Variants in SAXO1 observed in about 807,000 individuals in gnomAD.
The protein encoded by SAXO1 is stabilizer of axonemal microtubules 1.
In SAXO1, 21 loss-of-function variants were observed where a neutral mutation model predicts 17.5. That is an observed-to-expected ratio of 1.20 (90% confidence interval 0.85 to 1.72). SAXO1 has a LOEUF of 1.72. SAXO1 is among the 40% of genes most tolerant of loss of function. The pLI is 0.00. For missense variants in SAXO1, 843 were observed against 596.0 expected (o/e 1.41, Z -4.32); for synonymous variants, 274 against 216.5 (o/e 1.27, Z -2.33).
At chr9:18,940,774 T>C (rs1831518372) in intron 3 of SAXO1, among the ~76,000 whole-genome samples, 1 of 152,164 alleles carries the variant, frequency 6.6e-6, no homozygotes, top group Non-Finnish European at 1.5e-5. Flanking sequence ...ACCACGTATC[T>C]TGTCTCTCCA....
chr9:18,985,330 G>A (rs535826633), intron 1 of SAXO1, among the ~76,000 whole-genome samples: 1 of 152,254 alleles, frequency 6.6e-6, no homozygotes, highest in South Asian at 2.1e-4. Flanking sequence ...ATGTGACAGA[G>A]ACATGAAGTG....
At chr9:18,972,601 C>T (rs1161719726) in intron 1 of SAXO1, among the ~76,000 whole-genome samples, 2 of 152,128 alleles carry the variant, frequency 1.3e-5, no homozygotes, top group Admixed American at 6.5e-5. Context: ...GCTACATGAA[C>T]AGTCTAGGGC....
intron 1 of SAXO1, among the ~76,000 whole-genome samples, chr9:18,966,637 C>G (rs924745086): frequency 1.3e-5 from 2 of 151,978 alleles, no homozygotes; most frequent in Non-Finnish European, 2.9e-5. Flanking sequence ...GTTAGCAGTT[C>G]CTGTAACCTT....
intron 1 of SAXO1, chr9:19,027,051 A>G: frequency 1.2e-6 from 1 of 840,694 alleles, no homozygotes. Flanking sequence ...CCAAGCCATG[A>G]AGGACAAGAT....
intron 1 of SAXO1, among the ~76,000 whole-genome samples, chr9:18,953,190 T>C (rs1452215105): frequency 6.6e-6 from 1 of 152,224 alleles, no homozygotes; most frequent in African/African-American, 2.4e-5. Flanking sequence ...AAGTCAAGAT[T>C]TTATTCAGGA....
At chr9:19,038,427 A>T (rs1047454451) in intron 1 of SAXO1, among the ~76,000 whole-genome samples, 7 of 152,080 alleles carry the variant, frequency 4.6e-5, no homozygotes, top group African/African-American at 1.7e-4. Context: ...CTATGCAGCC[A>T]TAAAAAATGA....
chr9:18,938,968 A>C (rs1310405020), intron 3 of SAXO1, among the ~76,000 whole-genome samples: 1 of 151,836 alleles, frequency 6.6e-6, no homozygotes, highest in Non-Finnish European at 1.5e-5. Context: ...ACAAGCAAGG[A>C]GCATTTTTCA....
At chr9:18,963,357 T>A (rs1306905438) in intron 1 of SAXO1, among the ~76,000 whole-genome samples, 1 of 152,192 alleles carries the variant, frequency 6.6e-6, no homozygotes, top group Non-Finnish European at 1.5e-5. Context: ...AATGGTAGCT[T>A]GATGGGAATA....
Position 18,928,070 on chromosome 9 carries a change from C to G in SAXO1, c.1407G>C (p.Glu469Asp). 1 of 1,602,230 alleles carries G rather than the reference C, an allele frequency of 6.2e-7. No homozygotes were observed. The highest frequency in any genetic ancestry group is 8.5e-7 in the Non-Finnish European group (1 of 1,171,440). ...VDDSENPNQR[E>D]LEVLA ...TTCAAAATCAGGCTAACACTTCCAA[C>G]TCCCTCTGGTTGGGGTTTTCTGAAT... The change falls in exon 4 of 4, where the codon GAG (glutamate) becomes GAC (aspartate). Residue 469 changes from glutamate to aspartate, a missense_variant. Physicochemically the swap from Glu to Asp is conservative, Grantham distance 45. Coordinates refer to ENST00000380534, the MANE Select transcript of SAXO1 (RefSeq NM_153707.4).
intron 1 of SAXO1, among the ~76,000 whole-genome samples, chr9:19,018,177 A>AAAAC (rs371515538): frequency 6.6e-6 from 1 of 152,054 alleles, no homozygotes; most frequent in East Asian, 1.9e-4. Context: ...CAAAAAAAAA[A>AAAAC]AAACAAACAA....
intron 1 of SAXO1, among the ~76,000 whole-genome samples, chr9:19,020,256 T>A (rs575416855): frequency 1.6e-4 from 24 of 152,320 alleles, no homozygotes; most frequent in African/African-American, 5.8e-4. Flanking sequence ...TATGTGTAAT[T>A]GATTTTTCAT....
chr9:18,935,115 T>A (rs971234487), intron 3 of SAXO1, among the ~76,000 whole-genome samples: 1 of 152,086 alleles, frequency 6.6e-6, no homozygotes, highest in Non-Finnish European at 1.5e-5. Context: ...TCTTTTTTTG[T>A]ATTTTTACAA....
intron 1 of SAXO1, among the ~76,000 whole-genome samples, chr9:18,983,633 T>C (rs1833482924): frequency 6.6e-6 from 1 of 152,242 alleles, no homozygotes; most frequent in Non-Finnish European, 1.5e-5. Flanking sequence ...CAGTAATTTA[T>C]GTCTTCAGGG....
At chr9:19,012,724 T>C (rs1834801364) in intron 1 of SAXO1, among the ~76,000 whole-genome samples, 1 of 152,126 alleles carries the variant, frequency 6.6e-6, no homozygotes, top group African/African-American at 2.4e-5. Flanking sequence ...TTACTTTTAA[T>C]TTTTCTAAAC....
chr9:18,967,605 C>T (rs545073125), intron 1 of SAXO1, among the ~76,000 whole-genome samples: 223 of 152,288 alleles, frequency 1.5e-3, no homozygotes, highest in African/African-American at 5.2e-3. Flanking sequence ...CAACCAAGCT[C>T]GAGTGTCCCA....
At chr9:19,011,266 C>G (rs529023484) in intron 1 of SAXO1, among the ~76,000 whole-genome samples, 4 of 152,196 alleles carry the variant, frequency 2.6e-5, no homozygotes, top group African/African-American at 9.7e-5. Flanking sequence ...CAAATCCTAT[C>G]AAACTACCTG....
intron 1 of SAXO1, chr9:19,027,789 G>T: frequency 6.6e-7 from 1 of 1,509,950 alleles, no homozygotes; most frequent in Non-Finnish European, 9.1e-7. Flanking sequence ...CAGCTGGATG[G>T]CTTCCAGCCC....
upstream of SAXO1, among the ~76,000 whole-genome samples, chr9:19,036,604 T>C (rs757594949): frequency 1.3e-5 from 2 of 152,164 alleles, no homozygotes; most frequent in Non-Finnish European, 1.5e-5. Flanking sequence ...CCCCAAGCCT[T>C]GGCAGCTTCC....
chr9:18,963,715 A>T (rs1160670388), intron 1 of SAXO1, among the ~76,000 whole-genome samples: 1 of 152,212 alleles, frequency 6.6e-6, no homozygotes, highest in Non-Finnish European at 1.5e-5. Context: ...AGTTTTCTAA[A>T]TATACAATCA....
Sources: gnomAD v4.1 joint callset for allele counts (sites outside exome capture counted in the v4.1 genomes callset) on GRCh38, gnomAD v4.1.1 for gene constraint, MANE v1.5 for transcripts, NCBI Gene and HGNC (gene_info 2026-07-23, HGNC 2026-07-21) for gene names.